BDP1: variants seen among roughly 807,000 people sequenced by gnomAD.
BDP1 encodes BDP1 general transcription factor IIIB subunit.
A neutral mutation model predicts 266.6 loss-of-function variants in BDP1; 169 were observed. That is an observed-to-expected ratio of 0.63 (90% CI 0.56 to 0.72). BDP1 has a LOEUF of 0.72. BDP1 is among the 30% of genes least tolerant of loss of function. The pLI, the probability that BDP1 is intolerant of heterozygous loss-of-function variation, is 0.00. For missense variants in BDP1, 3,015 were observed against 3,053.8 expected (o/e 0.99, Z 0.30); for synonymous variants, 1,090 against 1,022.4 (o/e 1.07, Z -1.26).
intron 8 of BDP1, among the ~76,000 whole-genome samples, chr5:71,484,291 C>T (rs1460422012): frequency 2.0e-5 from 3 of 152,084 alleles, no homozygotes; most frequent in Non-Finnish European, 4.4e-5. Flanking sequence ...CACTGACCAC[C>T]TACTATATGG....
At chr5:71,482,142 A>G (rs1174116347) in intron 7 of BDP1, among the ~76,000 whole-genome samples, 3 of 152,198 alleles carry the variant, frequency 2.0e-5, no homozygotes, top group Non-Finnish European at 4.4e-5. Context: ...TATTCTGGAC[A>G]TATGCAACCC....
rs1035145846 is a variant in BDP1 at position 71,544,446 on chromosome 5, T to C, written c.6502T>C (p.Leu2168=). 1 of 1,614,052 alleles carries C rather than the reference T, an allele frequency of 6.2e-7. No homozygotes were observed. The highest frequency in any genetic ancestry group is 8.5e-7 in the Non-Finnish European group (1 of 1,179,982). ...AGCAGAGAATAAGGATCAGAGCAAA[T>C]TGGCATGTGTACATGGTATCAAAGG... The part of the protein sequence containing the change: ...TTAENKDQSK[L]ACVHGIKGTS... Residue 2168 remains leucine (L), a synonymous_variant, in exon 31 of 39, where the codon TTG becomes CTG. Transcript: ENST00000358731.
intron 24 of BDP1, among the ~76,000 whole-genome samples, chr5:71,523,283 C>T (rs1438608069): frequency 2.0e-5 from 3 of 152,140 alleles, no homozygotes; most frequent in East Asian, 3.8e-4. Context: ...ACTAATACCA[C>T]ATTTGATCTC....
intron 36 of BDP1, among the ~76,000 whole-genome samples, chr5:71,558,410 C>G (rs931671897): frequency 1.5e-4 from 22 of 151,636 alleles, no homozygotes; most frequent in Non-Finnish European, 2.8e-4. Flanking sequence ...GTAATCCTAG[C>G]TATTTGGGAG....
chr5:71,564,812 C>T lies in BDP1; in HGVS notation c.7802C>T (p.Pro2601Leu). ...TATAAAAGTGCCCAAAAGCGGGCCCCTCAAGGGGAGGCAACCACAGTCTCT... is the reference window on the plus strand; with the variant it reads ...TATAAAAGTGCCCAAAAGCGGGCCCTTCAAGGGGAGGCAACCACAGTCTCT... The part of the protein sequence containing the change: ...EGYKSAQKRA[P>L]QGEATTVSEY... Residue 2601 changes from proline (P) to leucine (L), a missense_variant, in exon 39 of 39, where the codon CCT becomes CTT. This residue lies in a region of BDP1 where 629 missense variants were observed against 632.5 expected (regional missense o/e 0.99). Transcript: ENST00000358731. The T allele has an allele frequency of 6.2e-7, 1 of 1,611,666 alleles. No homozygotes were observed. Among genetic ancestry groups the T allele is most frequent in the Non-Finnish European group, 8.5e-7 (1 of 1,179,750 alleles).
intron 32 of BDP1, chr5:71,545,430 C>T (rs1349503607): frequency 1.9e-6 from 1 of 536,588 alleles, no homozygotes. Context: ...CACCCAGATT[C>T]AACAGATTCT....
At chr5:71,518,201 C>T (rs1032209800) in intron 22 of BDP1, among the ~76,000 whole-genome samples, 4 of 152,176 alleles carry the variant, frequency 2.6e-5, no homozygotes, top group Non-Finnish European at 5.9e-5. Context: ...ATCTAACTTA[C>T]TGTCTTAGTA....
chr5:71,480,295 T>G (rs1429253251), intron 7 of BDP1, among the ~76,000 whole-genome samples: 2 of 132,532 alleles, frequency 1.5e-5, no homozygotes, highest in African/African-American at 6.3e-5. Context: ...TTTTTTTTTT[T>G]TTTTTTTTTT....
chr5:71,556,810 GA>G, intron 35 of BDP1, 75 bp from the exon 36 acceptor site: 12 of 691,090 alleles, frequency 1.7e-5, no homozygotes, highest in South Asian at 4.7e-5. Flanking sequence ...TTTACTTAAA[GA>G]AAAAAAGGAA....
intron 22 of BDP1, among the ~76,000 whole-genome samples, chr5:71,519,238 G>C (rs1287192088): frequency 6.6e-6 from 1 of 151,830 alleles, no homozygotes; most frequent in Non-Finnish European, 1.5e-5. Context: ...GTGATATTTT[G>C]ATACATTATA....
intron 26 of BDP1, among the ~76,000 whole-genome samples, chr5:71,536,300 A>C (rs1766592437): frequency 6.6e-6 from 1 of 152,226 alleles, no homozygotes; most frequent in Non-Finnish European, 1.5e-5. Context: ...TTTGGAGGCA[A>C]GTTTTCATTA....
rs757852784 is a variant in BDP1 at position 71,532,442 on chromosome 5, T to TA, written c.5892+17dup. ...GTGTACCGTTTGTAAGCATCCATTTTAATATGTTTTGGCCTTTTATTCTTT... is the reference window on the plus strand; with the variant it reads ...GTGTACCGTTTGTAAGCATCCATTTTAAATATGTTTTGGCCTTTTATTCTTT... On this transcript the variant is annotated intron_variant, in intron 26 of 38. Transcript: ENST00000358731. 1.2e-6 allele frequency: 2 copies of TA among 1,611,626 alleles called. No homozygotes were observed. Among genetic ancestry groups the TA allele is most frequent in the East Asian group, 4.5e-5 (2 of 44,754 alleles).
At chr5:71,463,744 C>T (rs1761713418) in intron 3 of BDP1, among the ~76,000 whole-genome samples, 1 of 151,438 alleles carries the variant, frequency 6.6e-6, no homozygotes. Flanking sequence ...GGGAGGATTG[C>T]TTGAGCTCAA....
At position 71,455,871 on chromosome 5, in the gene BDP1, C is replaced by T. The variant is rs1314896237; in HGVS notation, c.-7C>T. The T allele has an allele frequency of 6.4e-7, 1 of 1,567,678 alleles. No individual in the cohort carries two copies. Among genetic ancestry groups the T allele is most frequent in the Non-Finnish European group, 8.6e-7 (1 of 1,156,374 alleles). ...GAGGCTGCCTCCCCGGGCCCCCTGC[C>T]TCCGCCATGTTCCGCAGGGCACGCC... is the stretch of plus-strand genomic sequence containing the variant. On this transcript the variant is annotated 5_prime_UTR_variant, in exon 1 of 39. Coordinates refer to ENST00000358731, the MANE Select transcript of BDP1 (RefSeq NM_018429.3).
intron 22 of BDP1, among the ~76,000 whole-genome samples, chr5:71,520,278 C>G (rs544693031): frequency 5.6e-4 from 85 of 152,044 alleles, no homozygotes; most frequent in Middle Eastern, 3.4e-3. Context: ...GTTGATTGTT[C>G]CCTGTGCTAT....
chr5:71,455,652 A>C lies in BDP1; in HGVS notation c.-226A>C. 1 of 576,656 alleles carries C rather than the reference A, an allele frequency of 1.7e-6. No homozygotes were observed. Among genetic ancestry groups the C allele is most frequent in the South Asian group, 2.1e-5 (1 of 47,610 alleles). 35.7% of individuals were successfully genotyped at this position (576,656 alleles called of 1,614,324 possible). ...CTGTGAGCGCGGGGATGCTGGGAGG[A>C]GGGTGAAATTTAGCCATCGGTGTGT... On this transcript the variant is annotated 5_prime_UTR_variant, in exon 1 of 39. Transcript: ENST00000358731.
chr5:71,515,148 A>G (rs1765154745), intron 20 of BDP1, 26 bp downstream of exon 20: 1 of 1,520,646 alleles, frequency 6.6e-7, no homozygotes, highest in South Asian at 1.3e-5. Flanking sequence ...CTTTGACAAT[A>G]TAAAATAAGA....
intron 38 of BDP1, 96 bp from the exon 39 acceptor site, chr5:71,564,656 CAG>C: frequency 4.6e-6 from 5 of 1,097,256 alleles, no homozygotes; most frequent in African/African-American, 1.6e-5. Context: ...GCTTTTCAAA[CAG>C]ATCATATTGG....
intron 4 of BDP1, among the ~76,000 whole-genome samples, chr5:71,464,950 C>G (rs1761813476): frequency 6.6e-6 from 1 of 151,870 alleles, no homozygotes. Context: ...ATCTCTTGAC[C>G]TCGTGATCGG....
Sources: allele counts gnomAD v4.1 joint callset (sites outside exome capture counted in the v4.1 genomes callset), GRCh38; gene constraint gnomAD v4.1.1; regional missense constraint gnomAD v4.1.1; transcripts MANE v1.5; gene names NCBI Gene and HGNC (gene_info 2026-07-23, HGNC 2026-07-21).